Variants in CACNG2 observed in about 807,000 individuals in gnomAD.
CACNG2 encodes voltage-dependent calcium channel gamma-2 subunit.
Under a neutral mutation model 25.9 loss-of-function variants are expected in CACNG2, and 3 were observed. That is an observed-to-expected ratio of 0.12 (90% CI 0.05 to 0.30). The LOEUF is 0.30. CACNG2 is among the 10% of genes least tolerant of loss of function. The pLI is 1.00. For missense variants in CACNG2, 341 were observed against 432.5 expected, an observed-to-expected ratio of 0.79 and a Z score of 1.88; for synonymous variants, 167 against 173.3, an observed-to-expected ratio of 0.96 and a Z score of 0.29.
chr22:36,570,453 C>T (rs1208732462), intron 2 of CACNG2, among the ~76,000 whole-genome samples: 1 of 152,170 alleles, frequency 6.6e-6, no homozygotes, highest in Non-Finnish European at 1.5e-5. Context: ...TGGAAGAGGC[C>T]TCTTTGCCCA....
intron 1 of CACNG2, among the ~76,000 whole-genome samples, chr22:36,658,268 C>T (rs1009579330): frequency 1.3e-5 from 2 of 152,098 alleles, no homozygotes; most frequent in Non-Finnish European, 1.5e-5. Context: ...GGAAGATTGC[C>T]CGGAACTGTG....
At chr22:36,657,449 G>A (rs1286074681) in intron 1 of CACNG2, among the ~76,000 whole-genome samples, 1 of 152,190 alleles carries the variant, frequency 6.6e-6, no homozygotes. Flanking sequence ...GAGGGGCCTG[G>A]CCTGGACTCG....
In CACNG2 at chr22:36,566,447, C is replaced by T; in HGVS notation, c.342G>A (p.Leu114=). Residue 114 remains leucine (L), a synonymous_variant, in exon 3 of 4, where the codon CTG becomes CTA. Transcript: ENST00000300105. ...SSIFPILSVI[L]LFMGGLCIAA... is the part of the protein sequence containing the mutation. ...CGATGCAGAGGCCACCCATGAAAAG[C>T]AGAATCACACTCAGGATTGGGAAAA... is the stretch of plus-strand genomic sequence containing the variant. The T allele has an allele frequency of 1.2e-6, 2 of 1,614,124 alleles. No homozygotes were observed. The highest frequency in any genetic ancestry group is 1.7e-6 in the Non-Finnish European group (2 of 1,180,002).
At chr22:36,571,800 G>A (rs1223283363) in intron 2 of CACNG2, among the ~76,000 whole-genome samples, 3 of 149,492 alleles carry the variant, frequency 2.0e-5, no homozygotes, top group Admixed American at 1.3e-4. Flanking sequence ...TCGCTTGAAC[G>A]CGGGAGGCAG....
chr22:36,672,559 T>A lies in CACNG2; in HGVS notation c.211+29807A>T, dbSNP rs375788881. Among the ~76,000 whole-genome samples the A allele has an allele frequency of 6.6e-5, 10 of 152,274 alleles. No homozygotes were observed. The South Asian group carries it at 2.1e-3, about 32-fold the overall frequency. On this transcript the variant is annotated intron_variant, in intron 1 of 3. Coordinates refer to ENST00000300105, the MANE Select transcript of CACNG2 (RefSeq NM_006078.5). ...AGGCTTTTGCTGAGAACAGCTACTC[T>A]AATGAGCTGGATCTTAAGAAGTCGG...
chr22:36,580,471 G>A (rs1935396628), intron 2 of CACNG2, among the ~76,000 whole-genome samples: 1 of 152,032 alleles, frequency 6.6e-6, no homozygotes, highest in South Asian at 2.1e-4. Context: ...CTGCTTTGAT[G>A]AGGGCCTGCC....
At chr22:36,597,611 C>T (rs1201053438) in intron 1 of CACNG2, among the ~76,000 whole-genome samples, 1 of 152,198 alleles carries the variant, frequency 6.6e-6, no homozygotes, top group African/African-American at 2.4e-5. Context: ...TCTTTTTCTT[C>T]TCTTTCAAAT....
chr22:36,661,263 C>T (rs923475529), intron 1 of CACNG2, among the ~76,000 whole-genome samples: 1 of 152,214 alleles, frequency 6.6e-6, no homozygotes, highest in African/African-American at 2.4e-5. Flanking sequence ...CTCCTCCAAG[C>T]ACCTGGGGAG....
chr22:36,586,169 C>T (rs1935499544), intron 2 of CACNG2, among the ~76,000 whole-genome samples: 1 of 152,250 alleles, frequency 6.6e-6, no homozygotes, highest in Non-Finnish European at 1.5e-5. Flanking sequence ...CCAGGCTGTG[C>T]TCTTCTTGGG....
intron 1 of CACNG2, among the ~76,000 whole-genome samples, chr22:36,635,412 TAG>T (rs1052515666): frequency 6.6e-6 from 1 of 152,170 alleles, no homozygotes; most frequent in African/African-American, 2.4e-5. Flanking sequence ...GTCAGCTACT[TAG>T]AGAGTTAACC....
At chr22:36,623,011 G>GATTTTTTTTTTTTTT (rs1569032646) in intron 1 of CACNG2, among the ~76,000 whole-genome samples, 1 of 93,224 alleles carries the variant, frequency 1.1e-5, no homozygotes, top group Admixed American at 1.3e-4. Flanking sequence ...TCAAAACATG[G>GATTTTTTTTTTTTTT]GTTTTTTTTT....
intron 1 of CACNG2, among the ~76,000 whole-genome samples, chr22:36,667,626 G>A (rs749456889): frequency 1.2e-4 from 19 of 152,252 alleles, no homozygotes; most frequent in African/African-American, 3.4e-4. Flanking sequence ...CGGAACCCAC[G>A]GGGAACTTTG....
At chr22:36,597,762 G>A (rs1935698962) in intron 1 of CACNG2, among the ~76,000 whole-genome samples, 1 of 152,112 alleles carries the variant, frequency 6.6e-6, no homozygotes, top group African/African-American at 2.4e-5. Flanking sequence ...GTTCAGATTC[G>A]GTGACTCTCA....
At chr22:36,587,692 G>T (rs78331973) in intron 1 of CACNG2, 144 bp from the exon 2 acceptor site, 22,154 of 736,956 alleles carry the variant, frequency 0.03, 441 homozygotes, top group Middle Eastern at 0.063. Context: ...CGCTTTGTCC[G>T]TTTGGACATC....
intron 2 of CACNG2, among the ~76,000 whole-genome samples, chr22:36,572,278 GCTGACACTGGCAAACTTGTT>G (rs1935245050): frequency 1.3e-5 from 2 of 152,156 alleles, no homozygotes; most frequent in Admixed American, 1.3e-4. Context: ...CACGCCTAAA[GCTGACACTGGCAAACTTGTT>G]CTGTGAAGGG....
intron 1 of CACNG2, among the ~76,000 whole-genome samples, chr22:36,648,482 G>A (rs1486151599): frequency 2.0e-5 from 3 of 152,082 alleles, no homozygotes; most frequent in South Asian, 2.1e-4. Flanking sequence ...CCCTCTGGCC[G>A]TCAGTTCTCC....
intron 1 of CACNG2, among the ~76,000 whole-genome samples, chr22:36,598,642 A>C (rs1026825659): frequency 5.3e-5 from 8 of 151,852 alleles, no homozygotes; most frequent in South Asian, 2.1e-4. Context: ...ACAACTCCCC[A>C]AAAACAAAAA....
chr22:36,605,695 T>C (rs1935820804), intron 1 of CACNG2, among the ~76,000 whole-genome samples: 1 of 152,206 alleles, frequency 6.6e-6, no homozygotes, highest in Admixed American at 6.5e-5. Flanking sequence ...GGCTGTCACC[T>C]AGCTCGCTAA....
At chr22:36,573,720 G>C (rs1209295060) in intron 2 of CACNG2, among the ~76,000 whole-genome samples, 1 of 152,194 alleles carries the variant, frequency 6.6e-6, no homozygotes, top group Non-Finnish European at 1.5e-5. Context: ...TGTGAATCCA[G>C]GCAGTCTGAC....
Sources: gnomAD v4.1 joint callset for allele counts (sites outside exome capture counted in the v4.1 genomes callset) on GRCh38, gnomAD v4.1.1 for gene constraint, MANE v1.5 for transcripts, NCBI Gene and HGNC (gene_info 2026-07-23, HGNC 2026-07-21) for gene names.